Variants in SHPK observed in about 807,000 individuals in gnomAD.
SHPK encodes sedoheptulokinase.
In SHPK, 51 loss-of-function variants were observed where a neutral mutation model predicts 46.3. The ratio of observed to expected loss-of-function variants is 1.10; its 90% CI spans 0.88 to 1.39. The LOEUF is 1.39. Among genes scored for constraint, SHPK ranks in the 40% most tolerant of loss-of-function variants. The pLI, the probability that SHPK is intolerant of heterozygous loss-of-function variation, is 0.00. For missense variants in SHPK, 668 were observed against 641.3 expected (o/e 1.04, Z -0.45); for synonymous variants, 290 against 273.9 (o/e 1.06, Z -0.58).
intron 6 of SHPK, among the ~76,000 whole-genome samples, chr17:3,613,138 G>A (rs915640726): frequency 1.3e-5 from 2 of 152,154 alleles, no homozygotes; most frequent in African/African-American, 4.8e-5. Context: ...AGAGGAAACT[G>A]TACTCCAGGC....
chr17:3,635,233 GGAAGGAA>G (rs2075507340), intron 1 of SHPK, among the ~76,000 whole-genome samples: 1 of 134,086 alleles, frequency 7.5e-6, no homozygotes, highest in Non-Finnish European at 1.7e-5. Flanking sequence ...AAGGAAGGAA[GGAAGGAA>G]GGAAGGGAAG....
At chr17:3,631,339 T>C (rs1326132398) in intron 1 of SHPK, among the ~76,000 whole-genome samples, 2 of 107,734 alleles carry the variant, frequency 1.9e-5, no homozygotes, top group African/African-American at 7.2e-5. Context: ...GGTGGGGACA[T>C]GGGGGTGGGG....
chr17:3,613,056 CTTT>C (rs751802052), intron 6 of SHPK, among the ~76,000 whole-genome samples: 3 of 151,872 alleles, frequency 2.0e-5, no homozygotes, highest in Non-Finnish European at 2.9e-5. Context: ...AGCCAGGGAT[CTTT>C]TTAACACATA....
Position 3,610,355 on chromosome 17 carries a change from C to T in SHPK, c.*205G>A, listed in dbSNP as rs1567680042. 2 of 573,568 alleles carry T rather than the reference C, an allele frequency of 3.5e-6. No homozygotes were observed. The highest frequency in any genetic ancestry group is 6.1e-6 in the Non-Finnish European group (2 of 326,036). The allele number at this position is 573,568 out of a possible 1,614,324, so 35.5% of individuals were successfully genotyped here. ...CCAGGTGGGTCAATTTCGGAAGGCA[C>T]TCATTTGGGATCTGGCTGACGGCTC... On this transcript the variant is annotated 3_prime_UTR_variant, in exon 7 of 7. Coordinates refer to ENST00000225519, the MANE Select transcript of SHPK (RefSeq NM_013276.4).
intron 2 of SHPK, among the ~76,000 whole-genome samples, chr17:3,626,027 TG>T (rs763994695): frequency 6.6e-6 from 1 of 151,020 alleles, no homozygotes; most frequent in Non-Finnish European, 1.5e-5. Context: ...CACTCCAGCC[TG>T]GGCAACAGAG....
Position 3,624,075 on chromosome 17 carries a change from G to T in SHPK, c.467C>A (p.Ala156Glu). Residue 156 changes from alanine (A) to glutamate (E), a missense_variant, in exon 3 of 7, where the codon GCA becomes GAA. Coordinates refer to ENST00000225519, the MANE Select transcript of SHPK (RefSeq NM_013276.4). The part of the protein sequence containing the change: ...HLSVATGFGC[A>E]TIFWLLKYRP... ...ATATTTCAAAAGCCAGAAGATGGTTGCACAGCCGAAGCCCGTGGCCACACT... is the reference window on the plus strand; with the variant it reads ...ATATTTCAAAAGCCAGAAGATGGTTTCACAGCCGAAGCCCGTGGCCACACT... The T allele has an allele frequency of 6.2e-7, 1 of 1,609,702 alleles. No homozygotes were observed. The highest frequency in any genetic ancestry group is 8.5e-7 in the Non-Finnish European group (1 of 1,176,574).
intron 6 of SHPK, among the ~76,000 whole-genome samples, chr17:3,611,384 C>T (rs553942021): frequency 1.6e-4 from 24 of 152,288 alleles, no homozygotes; most frequent in Non-Finnish European, 2.4e-4. Context: ...GCCTGGCCAA[C>T]GTGGTGAAAC....
At chr17:3,613,777 T>C (rs2075356337) in intron 6 of SHPK, among the ~76,000 whole-genome samples, 1 of 152,084 alleles carries the variant, frequency 6.6e-6, no homozygotes, top group Non-Finnish European at 1.5e-5. Flanking sequence ...AAGCTGGACT[T>C]GAACAACTCT....
intron 2 of SHPK, among the ~76,000 whole-genome samples, chr17:3,627,956 C>T (rs528082483): frequency 6.6e-6 from 1 of 151,944 alleles, no homozygotes; most frequent in Non-Finnish European, 1.5e-5. Flanking sequence ...CTCCCACGGC[C>T]CCGGCGGGTC....
In SHPK at chr17:3,610,761, G is replaced by A. The variant is rs752617528; in HGVS notation, c.1236C>T (p.Ser412=). The change falls in exon 7 of 7, where the codon TCC becomes TCT. Residue 412 remains serine (S), a synonymous_variant. Transcript: ENST00000225519. ...CCTGGAGCTGCTGAATCGGAAGCATGGAGTGCAGGTTCTGAACAATGCCTC... is the reference window on the plus strand; with the variant it reads ...CCTGGAGCTGCTGAATCGGAAGCATAGAGTGCAGGTTCTGAACAATGCCTC... ...LCRGIVQNLH[S]MLPIQQLQEW... The A allele has an allele frequency of 1.2e-6, 2 of 1,614,120 alleles. No individual in the cohort carries two copies. Among genetic ancestry groups the A allele is most frequent in the South Asian group, 2.2e-5 (2 of 91,078 alleles).
At chr17:3,621,108 A>T in intron 5 of SHPK, 129 bp downstream of exon 5, 1 of 795,320 alleles carries the variant, frequency 1.3e-6, no homozygotes. Flanking sequence ...TTTCATCTTT[A>T]CAGAATAATG....
chr17:3,627,017 C>T (rs1258807155), intron 2 of SHPK, among the ~76,000 whole-genome samples: 1 of 152,192 alleles, frequency 6.6e-6, no homozygotes. Flanking sequence ...TTGTTTTCAT[C>T]CGCACAGCTC....
intron 6 of SHPK, among the ~76,000 whole-genome samples, chr17:3,614,147 C>T (rs1029828604): frequency 6.6e-6 from 1 of 152,186 alleles, no homozygotes. Context: ...AGGGACTTGC[C>T]AAGGCCAAAT....
chr17:3,627,694 C>G (rs1454217795), intron 2 of SHPK, among the ~76,000 whole-genome samples: 1 of 151,378 alleles, frequency 6.6e-6, no homozygotes, highest in African/African-American at 2.4e-5. Flanking sequence ...CTCTTTCCAA[C>G]GATGTGGCTG....
chr17:3,615,301 G>T (rs757359189), intron 6 of SHPK, 36 bp downstream of exon 6: 10 of 1,603,790 alleles, frequency 6.2e-6, no homozygotes, highest in South Asian at 1.1e-5. Flanking sequence ...AGAAAGGACA[G>T]GCAGAGAACA....
chr17:3,609,097 G>C lies in SHPK; in HGVS notation c.*1463C>G, dbSNP rs957715584. On this transcript the variant is annotated 3_prime_UTR_variant, in exon 7 of 7. Coordinates refer to ENST00000225519, the MANE Select transcript of SHPK (RefSeq NM_013276.4). Reference sequence around the variant, plus strand: ...GACGGGGTATCCCCATGTTGGTCAGGCTGGTCTTGAACTCCTGACCTCAGG... The same window carrying C: ...GACGGGGTATCCCCATGTTGGTCAGCCTGGTCTTGAACTCCTGACCTCAGG... 6.6e-6 allele frequency: 1 copy of C among 152,180 alleles called. No individual in the cohort carries two copies. The highest frequency in any genetic ancestry group is 1.5e-5 in the Non-Finnish European group (1 of 68,062). 9.4% of individuals were successfully genotyped at this position (152,180 alleles called of 1,614,324 possible).
intron 4 of SHPK, chr17:3,622,543 C>G (rs1567684153): frequency 1.0e-6 from 1 of 980,464 alleles, no homozygotes; most frequent in Non-Finnish European, 1.2e-6. Context: ...AAGTCCTTTA[C>G]CTGAACTACC....
At chr17:3,611,981 T>C (rs62069929) in intron 6 of SHPK, among the ~76,000 whole-genome samples, 25,468 of 151,592 alleles carry the variant, frequency 0.17, 2,696 homozygotes, top group Non-Finnish European at 0.24. Context: ...TTGTGGTATT[T>C]TTAGTAGAGA....
At chr17:3,633,595 G>A (rs1026332443) in intron 1 of SHPK, among the ~76,000 whole-genome samples, 3 of 152,046 alleles carry the variant, frequency 2.0e-5, no homozygotes, top group Admixed American at 6.6e-5. Context: ...ACTGGCCTCC[G>A]CTAAGCACTT....
Sources: gnomAD v4.1 joint callset for allele counts (sites outside exome capture counted in the v4.1 genomes callset) on GRCh38, gnomAD v4.1.1 for gene constraint, MANE v1.5 for transcripts, NCBI Gene and HGNC (gene_info 2026-07-23, HGNC 2026-07-21) for gene names.